CNTNAP2: variants seen among roughly 807,000 people sequenced by gnomAD.
CNTNAP2 encodes contactin associated protein 2.
In CNTNAP2, 98 loss-of-function variants were observed where a neutral mutation model predicts 155.2. That is an observed-to-expected ratio of 0.63 (90% CI 0.54 to 0.75). The LOEUF (loss-of-function observed/expected upper bound fraction) is 0.75, where lower values mean the gene tolerates loss of function less well. CNTNAP2 is among the 30% of genes least tolerant of loss of function. The probability of loss-of-function intolerance (pLI) is 0.00; values close to 1 mark genes in which losing one functional copy is unlikely to be tolerated. For missense variants in CNTNAP2, 1,727 were observed against 1,688.1 expected, an observed-to-expected ratio of 1.02 and a Z score of -0.40; for synonymous variants, 651 against 631.2, an observed-to-expected ratio of 1.03 and a Z score of -0.47.
intron 13 of CNTNAP2, among the ~76,000 whole-genome samples, chr7:147,702,705 T>C (rs954955486): frequency 1.1e-4 from 16 of 152,026 alleles, no homozygotes; most frequent in Admixed American, 9.8e-4. Flanking sequence ...TCATCTCTCT[T>C]GTCGTTAATG....
intron 4 of CNTNAP2, among the ~76,000 whole-genome samples, chr7:147,063,464 T>C (rs1016092739): frequency 6.6e-6 from 1 of 152,140 alleles, no homozygotes; most frequent in Non-Finnish European, 1.5e-5. Context: ...GGACATTTTA[T>C]AGATGCATTT....
At chr7:147,166,423 C>A (rs1802114396) in intron 8 of CNTNAP2, among the ~76,000 whole-genome samples, 1 of 152,120 alleles carries the variant, frequency 6.6e-6, no homozygotes, top group African/African-American at 2.4e-5. Flanking sequence ...GGATCAAAGA[C>A]TACAAATTGA....
chr7:147,326,389 T>G (rs1038635068), intron 9 of CNTNAP2, among the ~76,000 whole-genome samples: 9 of 152,242 alleles, frequency 5.9e-5, no homozygotes, highest in Non-Finnish European at 2.9e-5. Flanking sequence ...TTTTCATGGT[T>G]GAATCGTATT....
At chr7:146,927,990 G>A (rs1296173680) in intron 3 of CNTNAP2, among the ~76,000 whole-genome samples, 1 of 149,236 alleles carries the variant, frequency 6.7e-6, no homozygotes, top group Non-Finnish European at 1.5e-5. Flanking sequence ...ATATATATAT[G>A]TATATGCATA....
intron 9 of CNTNAP2, among the ~76,000 whole-genome samples, chr7:147,300,992 C>A (rs1794936173): frequency 6.6e-6 from 1 of 152,054 alleles, no homozygotes; most frequent in South Asian, 2.1e-4. Context: ...AAAATATAAT[C>A]CAATTTAGCA....
chr7:147,452,096 G>A (rs1300647775), intron 10 of CNTNAP2, among the ~76,000 whole-genome samples: 1 of 152,202 alleles, frequency 6.6e-6, no homozygotes, highest in Non-Finnish European at 1.5e-5. Flanking sequence ...CTAAGATAGT[G>A]TATAATTCAT....
At chr7:146,933,971 G>T (rs931463850) in intron 3 of CNTNAP2, among the ~76,000 whole-genome samples, 76 of 152,090 alleles carry the variant, frequency 5.0e-4, no homozygotes, top group Admixed American at 4.7e-3. Flanking sequence ...GGAGAAATAG[G>T]AACACTTTTA....
intron 13 of CNTNAP2, among the ~76,000 whole-genome samples, chr7:147,715,003 G>A (rs545674542): frequency 1.3e-5 from 2 of 152,130 alleles, no homozygotes; most frequent in Admixed American, 6.6e-5. Context: ...GATGTTGTGT[G>A]TATCAAGTTC....
chr7:147,295,214 G>A (rs905187323), intron 8 of CNTNAP2, among the ~76,000 whole-genome samples: 2 of 151,940 alleles, frequency 1.3e-5, no homozygotes, highest in African/African-American at 4.8e-5. Flanking sequence ...TCCAGATGTG[G>A]TAGCAAATGG....
At chr7:146,511,292 C>T (rs207468741) in intron 1 of CNTNAP2, among the ~76,000 whole-genome samples, 13 of 152,166 alleles carry the variant, frequency 8.5e-5, no homozygotes, top group Non-Finnish European at 1.9e-4. Context: ...TTTCTCAAAC[C>T]TAATTGCTCT....
At chr7:146,836,366 T>C (rs1446274853) in intron 2 of CNTNAP2, among the ~76,000 whole-genome samples, 3 of 152,226 alleles carry the variant, frequency 2.0e-5, no homozygotes, top group African/African-American at 7.2e-5. Context: ...GTGTATGTAC[T>C]GCTCTTCATA....
At chr7:148,170,155 T>C (rs1333334573) in intron 17 of CNTNAP2, among the ~76,000 whole-genome samples, 1 of 152,348 alleles carries the variant, frequency 6.6e-6, no homozygotes, top group African/African-American at 2.4e-5. Flanking sequence ...CTTCTCAGTA[T>C]GTTTATAGTG....
chr7:146,319,586 T>A (rs1284965342), intron 1 of CNTNAP2, among the ~76,000 whole-genome samples: 1 of 152,198 alleles, frequency 6.6e-6, no homozygotes, highest in African/African-American at 2.4e-5. Flanking sequence ...GAACTCACAT[T>A]GTTTTGATTT....
At chr7:148,022,383 T>C (rs1471286828) in intron 15 of CNTNAP2, among the ~76,000 whole-genome samples, 4 of 150,118 alleles carry the variant, frequency 2.7e-5, no homozygotes, top group African/African-American at 9.8e-5. Flanking sequence ...GCAGGAGAAT[T>C]GCTTGAACCC....
intron 16 of CNTNAP2, among the ~76,000 whole-genome samples, chr7:148,134,564 A>C (rs1343238392): frequency 6.6e-6 from 1 of 152,194 alleles, no homozygotes; most frequent in Non-Finnish European, 1.5e-5. Flanking sequence ...AAGTTTCTAA[A>C]AATAGGGAAG....
intron 12 of CNTNAP2, among the ~76,000 whole-genome samples, chr7:147,627,244 T>C (rs1280894732): frequency 1.3e-5 from 2 of 152,128 alleles, no homozygotes; most frequent in South Asian, 2.1e-4. Flanking sequence ...ATTCTGGTAA[T>C]GTAACAAAAC....
chr7:146,993,714 A>G lies in CNTNAP2; in HGVS notation c.403-50193A>G, dbSNP rs138738074. On this transcript the variant is annotated intron_variant, in intron 3 of 23. Coordinates refer to ENST00000361727, the MANE Select transcript of CNTNAP2 (RefSeq NM_014141.6). ...TTTACAGGTGTATACGTATCCCCAAATTCATGAAGTTGTACATATTAAATA... is the reference window on the plus strand; with the variant it reads ...TTTACAGGTGTATACGTATCCCCAAGTTCATGAAGTTGTACATATTAAATA... Among the ~76,000 whole-genome samples the G allele has an allele frequency of 3.6e-3, 541 of 152,138 alleles. 3 individuals are homozygous for G. Among genetic ancestry groups the G allele is most frequent in the African/African-American group, 0.012 (511 of 41,526 alleles).
At chr7:147,760,050 A>C (rs1166191888) in intron 13 of CNTNAP2, among the ~76,000 whole-genome samples, 1 of 152,078 alleles carries the variant, frequency 6.6e-6, no homozygotes, top group African/African-American at 2.4e-5. Flanking sequence ...CTCAGAGAAG[A>C]CACGATGGGT....
intron 13 of CNTNAP2, among the ~76,000 whole-genome samples, chr7:147,789,682 AC>A (rs1158355727): frequency 6.6e-6 from 1 of 152,202 alleles, no homozygotes; most frequent in African/African-American, 2.4e-5. Flanking sequence ...GTGTGTGGGC[AC>A]CATCTATTGG....
Sources: gnomAD v4.1 joint callset for allele counts (sites outside exome capture counted in the v4.1 genomes callset) on GRCh38, gnomAD v4.1.1 for gene constraint, MANE v1.5 for transcripts, NCBI Gene and HGNC (gene_info 2026-07-23, HGNC 2026-07-21) for gene names.